CD109: variants seen among roughly 807,000 people sequenced by gnomAD.
CD109 encodes the protein CD109 molecule.
Under a neutral mutation model 165.8 loss-of-function variants are expected in CD109, and 149 were observed. The ratio of observed to expected loss-of-function variants is 0.90; its 90% confidence interval spans 0.79 to 1.03. CD109 has a LOEUF of 1.03. Among genes scored for constraint, CD109 ranks in the 50% least tolerant of loss-of-function variants. CD109 has a pLI of 0.00. For missense variants in CD109, 1,712 were observed against 1,677.8 expected, an observed-to-expected ratio of 1.02 and a Z score of -0.36; for synonymous variants, 585 against 592.1, an observed-to-expected ratio of 0.99 and a Z score of 0.18.
chr6:73,795,504 G>A (rs1356442513), intron 23 of CD109, among the ~76,000 whole-genome samples: 3 of 152,120 alleles, frequency 2.0e-5, no homozygotes, highest in Non-Finnish European at 4.4e-5. Context: ...CAGGTAGGTG[G>A]CCAAACTGTA....
At chr6:73,771,003 C>T (rs998140718) in intron 14 of CD109, among the ~76,000 whole-genome samples, 4 of 152,088 alleles carry the variant, frequency 2.6e-5, no homozygotes, top group East Asian at 1.9e-4. Flanking sequence ...TATGAGTCCC[C>T]GAGGAGCTCT....
intron 2 of CD109, among the ~76,000 whole-genome samples, chr6:73,708,262 C>A (rs1319427180): frequency 6.6e-6 from 1 of 151,770 alleles, no homozygotes; most frequent in Admixed American, 6.6e-5. Flanking sequence ...GGTTTTTTGT[C>A]CTTGCGATAG....
In CD109 at chr6:73,810,991, G is replaced by A. The variant is rs778178611; in HGVS notation, c.3547-1G>A. Reference sequence around the variant, plus strand: ...TACAAATGTTTTTCTTCCCTCAACAGGATACCACTGTGGCTTTAAAGGCTC... The same window carrying A: ...TACAAATGTTTTTCTTCCCTCAACAAGATACCACTGTGGCTTTAAAGGCTC... On this transcript the variant is annotated splice_acceptor_variant, in intron 27 of 32. Transcript: ENST00000287097. LOFTEE classifies it high-confidence loss of function. 1.9e-6 allele frequency: 3 copies of A among 1,612,060 alleles called. No homozygotes were observed. The highest frequency in any genetic ancestry group is 2.7e-5 in the African/African-American group (2 of 74,760).
rs529420035 is a variant in CD109 at position 73,807,413 on chromosome 6, G to A, written c.3189+341G>A. 7.9e-5 allele frequency among the ~76,000 whole-genome samples: 12 copies of A among 152,282 alleles called. No individual in the cohort carries two copies. The South Asian group carries it at 2.5e-3, about 32-fold the overall frequency. ...ATTTAAAATTTGACAATGTGTTCTA[G>A]CAAGTTTAGATTGCAAAGGATTTTT... On this transcript the variant is annotated intron_variant, in intron 25 of 32. Coordinates refer to ENST00000287097, the MANE Select transcript of CD109 (RefSeq NM_133493.5).
intron 22 of CD109, among the ~76,000 whole-genome samples, chr6:73,790,550 T>C (rs1774887807): frequency 6.6e-6 from 1 of 152,176 alleles, no homozygotes; most frequent in Non-Finnish European, 1.5e-5. Flanking sequence ...AGAAGTCCCA[T>C]GATCTGCTTT....
At chr6:73,689,486 A>G in the CD109 span, among the ~76,000 whole-genome samples, 3 of 152,186 alleles carry the variant, frequency 2.0e-5, no homozygotes, top group Non-Finnish European at 4.4e-5. Flanking sequence ...TCTTCTATGC[A>G]TTTTGGTGGC....
chr6:73,690,148 C>T, the CD109 span, among the ~76,000 whole-genome samples: 2 of 152,066 alleles, frequency 1.3e-5, no homozygotes, highest in African/African-American at 2.4e-5. Context: ...TACATCTATT[C>T]GATTAAGATC....
intron 5 of CD109, among the ~76,000 whole-genome samples, chr6:73,756,307 T>G (rs1160961687): frequency 6.6e-6 from 1 of 152,242 alleles, no homozygotes; most frequent in East Asian, 1.9e-4. Context: ...GCTTCATAAA[T>G]TCCTCAATTA....
At chr6:73,764,836 A>AAAC (rs1443592206) in intron 10 of CD109, among the ~76,000 whole-genome samples, 2 of 151,762 alleles carry the variant, frequency 1.3e-5, no homozygotes, top group East Asian at 1.9e-4. Flanking sequence ...AAAAAAAACA[A>AAAC]CTAAAACGAC....
At chr6:73,718,384 T>C (rs1031576317) in intron 2 of CD109, among the ~76,000 whole-genome samples, 1 of 152,164 alleles carries the variant, frequency 6.6e-6, no homozygotes, top group African/African-American at 2.4e-5. Context: ...TAGCTGTGGG[T>C]CTGTCATATA....
intron 2 of CD109, among the ~76,000 whole-genome samples, chr6:73,711,484 G>A (rs189370435): frequency 6.6e-6 from 1 of 152,082 alleles, no homozygotes; most frequent in East Asian, 1.9e-4. Flanking sequence ...GCCTTAAAGT[G>A]ACATTAAACT....
chr6:73,767,066 A>G, intron 13 of CD109, 56 bp downstream of exon 13: 1 of 1,479,956 alleles, frequency 6.8e-7, no homozygotes, highest in Non-Finnish European at 9.3e-7. Context: ...CTTTTTATTC[A>G]CTTTTAAGTT....
Position 73,762,828 on chromosome 6 carries a change from C to A in CD109, c.943C>A (p.Leu315Ile), listed in dbSNP as rs1283616610. The change falls in exon 9 of 33, where the codon CTA becomes ATA. Residue 315 changes from leucine (L) to isoleucine (I), a missense_variant. Transcript: ENST00000287097. ...SSNGLSEYLD[L>I]SSPGPVEILT... ...AAATGGACTTTCTGAATACCTGGAT[C>A]TATCTTCCCCTGGACCAGTAGAAAT... 6.2e-7 allele frequency: 1 copy of A among 1,612,830 alleles called. No homozygotes were observed.
At chr6:73,695,113 C>G (rs1021019707), upstream of CD109, 2 of 152,246 alleles carry the variant, frequency 1.3e-5, no homozygotes, top group African/African-American at 2.4e-5. Flanking sequence ...GACCTCTTTT[C>G]CGTTTGCATT....
rs769097901 is a variant in CD109, at chr6:73,762,895, TA to T, written c.997+16del. The T allele has an allele frequency of 3.1e-6, 5 of 1,593,906 alleles. No homozygotes were observed. The Admixed American group carries it at 9.2e-5, about 29-fold the overall frequency. On this transcript the variant is annotated intron_variant, in intron 9 of 32. Transcript: ENST00000287097. ...GAATCAGTTACAGGTTTGTAGACTT[TA>T]AAGTGGAGGTAAAACTATTCATGTG...
intron 15 of CD109, among the ~76,000 whole-genome samples, chr6:73,779,633 A>G (rs1774398475): frequency 6.6e-6 from 1 of 152,088 alleles, no homozygotes; most frequent in Admixed American, 6.5e-5. Flanking sequence ...CTGCTGATGG[A>G]CACAGGTTGT....
At chr6:73,725,350 G>A (rs1429854983) in intron 3 of CD109, among the ~76,000 whole-genome samples, 2 of 152,140 alleles carry the variant, frequency 1.3e-5, no homozygotes, top group African/African-American at 4.8e-5. Flanking sequence ...TAATTGTCTG[G>A]TTTCCTCAAA....
At chr6:73,821,596 T>A (rs545784327) in intron 32 of CD109, among the ~76,000 whole-genome samples, 1 of 152,338 alleles carries the variant, frequency 6.6e-6, no homozygotes, top group Non-Finnish European at 1.5e-5. Flanking sequence ...CTGAAGGTCA[T>A]TATTCTAAGT....
chr6:73,749,371 G>A (rs924124330), intron 5 of CD109, among the ~76,000 whole-genome samples: 3 of 152,156 alleles, frequency 2.0e-5, no homozygotes, highest in Non-Finnish European at 4.4e-5. Context: ...TAGGGCTGGA[G>A]GGGACTGTAG....
Sources: gnomAD v4.1 joint callset for allele counts (sites outside exome capture counted in the v4.1 genomes callset) on GRCh38, gnomAD v4.1.1 for gene constraint, MANE v1.5 for transcripts, NCBI Gene and HGNC (gene_info 2026-07-23, HGNC 2026-07-21) for gene names.